DDAH1: variants seen among roughly 807,000 people sequenced by gnomAD.
DDAH1 encodes N(G),N(G)-dimethylarginine dimethylaminohydrolase 1.
Under a neutral mutation model 28.8 loss-of-function variants are expected in DDAH1, and 19 were observed. The observed-to-expected ratio is 0.66, with a 90% CI of 0.46 to 0.97. DDAH1 has a LOEUF of 0.97. Among genes scored for constraint, DDAH1 ranks in the 50% least tolerant of loss-of-function variants. The pLI, the probability that DDAH1 is intolerant of heterozygous loss-of-function variation, is 0.00. For missense variants in DDAH1, 326 were observed against 375.9 expected (o/e 0.87, Z 1.10); for synonymous variants, 153 against 154.4 (o/e 0.99, Z 0.07).
At chr1:85,556,977 C>T (rs144518845) in intron 1 of DDAH1, among the ~76,000 whole-genome samples, 21 of 152,118 alleles carry the variant, frequency 1.4e-4, no homozygotes, top group African/African-American at 4.6e-4. Flanking sequence ...ATTAGCCAGG[C>T]GTAGTGGTGG....
At chr1:85,361,090 C>G (rs1367687250) in intron 1 of DDAH1, among the ~76,000 whole-genome samples, 1 of 152,140 alleles carries the variant, frequency 6.6e-6, no homozygotes, top group Non-Finnish European at 1.5e-5. Flanking sequence ...ATCGGCAATG[C>G]TAAACTGAGG....
chr1:85,434,287 C>T (rs997592595), intron 1 of DDAH1, among the ~76,000 whole-genome samples: 1 of 152,174 alleles, frequency 6.6e-6, no homozygotes, highest in Non-Finnish European at 1.5e-5. Context: ...GCCCCATTGA[C>T]TTGTGATGCC....
intron 1 of DDAH1, among the ~76,000 whole-genome samples, chr1:85,418,936 T>G (rs748797459): frequency 6.6e-6 from 1 of 152,152 alleles, no homozygotes; most frequent in Non-Finnish European, 1.5e-5. Context: ...TCTGCTCATA[T>G]CGTAGTTGGG....
intron 1 of DDAH1, among the ~76,000 whole-genome samples, chr1:85,384,766 T>A (rs747605256): frequency 6.6e-6 from 1 of 152,178 alleles, no homozygotes; most frequent in Non-Finnish European, 1.5e-5. Context: ...GGAACAACAT[T>A]TCTCCCCTTA....
chr1:85,335,567 A>G (rs1265845102), intron 4 of DDAH1, among the ~76,000 whole-genome samples: 1 of 152,186 alleles, frequency 6.6e-6, no homozygotes, highest in Admixed American at 6.5e-5. Context: ...AAAAGAAACA[A>G]AGAAGGTTAT....
At chr1:85,347,744 C>T (rs1242675694) in intron 4 of DDAH1, among the ~76,000 whole-genome samples, 1 of 151,084 alleles carries the variant, frequency 6.6e-6, no homozygotes, top group Non-Finnish European at 1.5e-5. Context: ...TGCACATGTA[C>T]CCTAGAACTT....
At chr1:85,363,773 T>A (rs1041451960) in intron 1 of DDAH1, among the ~76,000 whole-genome samples, 2 of 152,238 alleles carry the variant, frequency 1.3e-5, no homozygotes, top group South Asian at 4.1e-4. Flanking sequence ...AATCAGCACA[T>A]CTTTGGTCAC....
chr1:85,354,785 T>TA (rs1649403528), intron 2 of DDAH1, among the ~76,000 whole-genome samples: 1 of 152,056 alleles, frequency 6.6e-6, no homozygotes, highest in Non-Finnish European at 1.5e-5. Context: ...AGGAGTCTGC[T>TA]AAAGTAGTAC....
chr1:85,360,881 T>TA (rs932570977), intron 1 of DDAH1, among the ~76,000 whole-genome samples: 5 of 152,174 alleles, frequency 3.3e-5, no homozygotes, highest in African/African-American at 9.6e-5. Context: ...GCACTGACAT[T>TA]AAAAAAACTA....
At chr1:85,461,687 C>T (rs192889879) in intron 1 of DDAH1, among the ~76,000 whole-genome samples, 3 of 152,266 alleles carry the variant, frequency 2.0e-5, no homozygotes, top group African/African-American at 7.2e-5. Flanking sequence ...TTGCTACATG[C>T]CTATTGTATA....
At chr1:85,533,222 T>C (rs1658153039) in intron 1 of DDAH1, among the ~76,000 whole-genome samples, 1 of 152,264 alleles carries the variant, frequency 6.6e-6, no homozygotes, top group Admixed American at 6.5e-5. Flanking sequence ...AATCTCTTTA[T>C]ATACTAAAAT....
intron 1 of DDAH1, among the ~76,000 whole-genome samples, chr1:85,459,518 A>AT (rs1308103672): frequency 1.3e-5 from 2 of 152,216 alleles, no homozygotes; most frequent in Non-Finnish European, 2.9e-5. Flanking sequence ...TAAAAAAAAA[A>AT]TCCTGAAAAG....
chr1:85,479,453 G>A (rs1402160647), intron 2 of DDAH1, among the ~76,000 whole-genome samples: 1 of 152,124 alleles, frequency 6.6e-6, no homozygotes, highest in Non-Finnish European at 1.5e-5. Context: ...GATTACAGGC[G>A]TGAGCCACCG....
intron 1 of DDAH1, among the ~76,000 whole-genome samples, chr1:85,513,029 G>A (rs556769733): frequency 5.1e-4 from 77 of 152,256 alleles, no homozygotes; most frequent in African/African-American, 1.7e-3. Context: ...CCAACAAAGA[G>A]CCTGCACTGC....
At chr1:85,574,658 T>G (rs1659547151) in intron 1 of DDAH1, among the ~76,000 whole-genome samples, 3 of 152,322 alleles carry the variant, frequency 2.0e-5, no homozygotes, top group Middle Eastern at 6.8e-3. Context: ...ATCCTCTTTC[T>G]CATGTCACCA....
At chr1:85,511,653 A>T (rs1657237876) in intron 1 of DDAH1, among the ~76,000 whole-genome samples, 1 of 152,244 alleles carries the variant, frequency 6.6e-6, no homozygotes. Context: ...GCAATAAAAA[A>T]TGATAAAGGG....
chr1:85,444,770 C>T (rs533783425), intron 1 of DDAH1, among the ~76,000 whole-genome samples: 40 of 152,290 alleles, frequency 2.6e-4, no homozygotes, highest in Middle Eastern at 3.4e-3. Context: ...TGTGAGTAAC[C>T]ATGCAAATAA....
At chr1:85,565,917 C>T (rs1203221889) in intron 1 of DDAH1, among the ~76,000 whole-genome samples, 3 of 151,954 alleles carry the variant, frequency 2.0e-5, no homozygotes, top group Non-Finnish European at 4.4e-5. Flanking sequence ...CCTGTGACTA[C>T]TAAAAATACA....
At position 85,363,082 on chromosome 1, in the gene DDAH1, G is replaced by C. The variant is rs142307523; in HGVS notation, c.304-4235C>G. On this transcript the variant is annotated intron_variant, in intron 1 of 5. Coordinates refer to ENST00000284031, the MANE Select transcript of DDAH1 (RefSeq NM_012137.4). ...TGTTAGTTTAATACTCTTTATTTCAGGGCAATATTTTCCAGTTGACCCTTT... is the reference window on the plus strand; with the variant it reads ...TGTTAGTTTAATACTCTTTATTTCACGGCAATATTTTCCAGTTGACCCTTT... 1.8e-4 allele frequency among the ~76,000 whole-genome samples: 28 copies of C among 152,198 alleles called. 2 individuals carry two copies. The East Asian group carries it at 5.4e-3, about 29-fold the overall frequency.
Sources: allele counts gnomAD v4.1 joint callset (sites outside exome capture counted in the v4.1 genomes callset), GRCh38; gene constraint gnomAD v4.1.1; transcripts MANE v1.5; gene names NCBI Gene and HGNC (gene_info 2026-07-23, HGNC 2026-07-21).